Variants in SINHCAF observed in about 807,000 individuals in gnomAD.
SINHCAF encodes SIN3-HDAC complex-associated factor.
A neutral mutation model predicts 25.8 loss-of-function variants in SINHCAF; 3 were observed. The ratio of observed to expected loss-of-function variants is 0.12; its 90% confidence interval spans 0.05 to 0.30. The LOEUF (loss-of-function observed/expected upper bound fraction) is 0.30, where lower values mean the gene tolerates loss of function less well. Among genes scored for constraint, SINHCAF ranks in the 10% least tolerant of loss-of-function variants. The probability of loss-of-function intolerance (pLI) is 1.00; values close to 1 mark genes in which losing one functional copy is unlikely to be tolerated. For missense variants in SINHCAF, 121 were observed against 262.3 expected (o/e 0.46, Z 3.72); for synonymous variants, 70 against 85.5 (o/e 0.82, Z 1.00).
At chr12:31,286,103 T>G (rs1167876357) in intron 5 of SINHCAF, among the ~76,000 whole-genome samples, 1 of 152,202 alleles carries the variant, frequency 6.6e-6, no homozygotes, top group Non-Finnish European at 1.5e-5. Context: ...TTGTATTGGT[T>G]AGAACCTTCT....
intron 1 of SINHCAF, among the ~76,000 whole-genome samples, chr12:31,322,935 CA>C (rs1457317540): frequency 6.6e-6 from 1 of 151,742 alleles, no homozygotes; most frequent in Non-Finnish European, 1.5e-5. Context: ...GGGCCACATA[CA>C]AAAAAAGAAA....
At chr12:31,299,370 G>A (rs1209941574) in intron 1 of SINHCAF, among the ~76,000 whole-genome samples, 1 of 151,636 alleles carries the variant, frequency 6.6e-6, no homozygotes, top group Non-Finnish European at 1.5e-5. Context: ...AGGCTGGAGT[G>A]CGGTGGCGCG....
At chr12:31,322,745 T>C (rs1237134149) in intron 1 of SINHCAF, among the ~76,000 whole-genome samples, 1 of 152,080 alleles carries the variant, frequency 6.6e-6, no homozygotes, top group Non-Finnish European at 1.5e-5. Flanking sequence ...CATTCAAGGG[T>C]ATTATTTCCT....
At position 31,324,634 on chromosome 12, in the gene SINHCAF, G is replaced by T. The variant is rs1452119369; in HGVS notation, c.-21+1390C>A. The T allele has an allele frequency of 7.8e-6, 2 of 256,818 alleles. No homozygotes were observed. Among genetic ancestry groups the T allele is most frequent in the African/African-American group, 4.6e-5 (2 of 43,412 alleles). The allele number at this position is 256,818 out of a possible 1,614,324, so 15.9% of individuals were successfully genotyped here. On this transcript the variant is annotated intron_variant, in intron 1 of 5. Coordinates refer to ENST00000337682, the MANE Select transcript of SINHCAF (RefSeq NM_001135812.2). The surrounding 1 kb of genome is among the most constrained non-coding windows in gnomAD (Gnocchi z 5.5). ...CGGCGGCCCCGAGCGCCGGGGGCCC[G>T]CACGGGCACATGCAGCCCTTTGTTT...
At chr12:31,314,472 G>A (rs1261784226) in intron 1 of SINHCAF, among the ~76,000 whole-genome samples, 2 of 152,066 alleles carry the variant, frequency 1.3e-5, no homozygotes, top group East Asian at 1.9e-4. Context: ...TTTGCAGTGA[G>A]CCGAGATCGC....
chr12:31,305,718 G>C (rs939779680), intron 1 of SINHCAF, among the ~76,000 whole-genome samples: 1 of 44,856 alleles, frequency 2.2e-5, no homozygotes, highest in African/African-American at 8.4e-5. Context: ...TTTTTTTTTT[G>C]AGACTAAGTC....
intron 4 of SINHCAF, among the ~76,000 whole-genome samples, chr12:31,292,225 G>A (rs1938357618): frequency 6.6e-6 from 1 of 152,146 alleles, no homozygotes; most frequent in Non-Finnish European, 1.5e-5. Context: ...TGAGGACTGG[G>A]TGTGATGGTT....
chr12:31,307,982 C>T (rs1241555962), intron 1 of SINHCAF, among the ~76,000 whole-genome samples: 1 of 152,180 alleles, frequency 6.6e-6, no homozygotes, highest in East Asian at 1.9e-4. Flanking sequence ...CAGACTCTTG[C>T]TCTGTCACTT....
intron 1 of SINHCAF, chr12:31,311,863 T>C (rs983475356): frequency 2.0e-6 from 1 of 487,972 alleles, no homozygotes; most frequent in Non-Finnish European, 4.0e-6. Flanking sequence ...GATGCTAAGT[T>C]TGATCACTTG....
intron 1 of SINHCAF, among the ~76,000 whole-genome samples, chr12:31,318,570 A>C (rs2137134898): frequency 6.6e-6 from 1 of 152,208 alleles, no homozygotes; most frequent in South Asian, 2.1e-4. Context: ...GAAATGGCAT[A>C]GGTTAAAAAT....
Position 31,295,983 on chromosome 12 carries a change from C to T in SINHCAF, c.129-650G>A, listed in dbSNP as rs370028398. On this transcript the variant is annotated intron_variant, in intron 2 of 5. Coordinates refer to ENST00000337682, the MANE Select transcript of SINHCAF (RefSeq NM_001135812.2). ...ATCACTTGAGTGCAGGAGTTCGAGA[C>T]CAGCCTGGGCAACACAAGGAGACCC... Among the ~76,000 whole-genome samples the T allele has an allele frequency of 4.6e-5, 7 of 152,006 alleles. No homozygotes were observed. The East Asian group carries it at 1.4e-3, about 29-fold the overall frequency.
At chr12:31,290,659 AG>A (rs1297316063) in intron 4 of SINHCAF, among the ~76,000 whole-genome samples, 2 of 152,298 alleles carry the variant, frequency 1.3e-5, no homozygotes, top group Non-Finnish European at 2.9e-5. Flanking sequence ...TCACTCTCCT[AG>A]GAAGTGCTTA....
intron 3 of SINHCAF, 75 bp downstream of exon 3, chr12:31,295,159 C>T: frequency 1.1e-6 from 1 of 892,590 alleles, no homozygotes; most frequent in South Asian, 1.6e-5. Flanking sequence ...TATATTACTT[C>T]CTAAATTAGG....
chr12:31,305,025 T>C (rs1938962765), intron 1 of SINHCAF: 1 of 152,202 alleles, frequency 6.6e-6, no homozygotes, highest in Admixed American at 6.5e-5. Flanking sequence ...TCCACTCAGA[T>C]GTTGTCAACT....
At chr12:31,303,209 A>G in intron 1 of SINHCAF, 1 of 985,476 alleles carries the variant, frequency 1.0e-6, no homozygotes, top group African/African-American at 1.7e-5. Context: ...AGGCTGTGTC[A>G]ACCCATTTTT....
intron 1 of SINHCAF, among the ~76,000 whole-genome samples, chr12:31,307,818 T>C (rs1037506566): frequency 3.9e-5 from 6 of 152,154 alleles, no homozygotes; most frequent in Non-Finnish European, 8.8e-5. Flanking sequence ...CCTCGAGTCA[T>C]TGGATCTAAC....
chr12:31,300,302 A>G (rs953610711), intron 1 of SINHCAF, among the ~76,000 whole-genome samples: 2 of 152,218 alleles, frequency 1.3e-5, no homozygotes, highest in African/African-American at 4.8e-5. Flanking sequence ...CAAACAGGCT[A>G]TTGTTAATAA....
At chr12:31,311,568 G>A (rs1939270125) in intron 1 of SINHCAF, 1 of 303,158 alleles carries the variant, frequency 3.3e-6, no homozygotes, top group Non-Finnish European at 6.3e-6. Context: ...GACCGAGCAT[G>A]AGCAAGCCAG....
At chr12:31,323,519 T>A (rs1398365422) in intron 1 of SINHCAF, among the ~76,000 whole-genome samples, 10 of 152,194 alleles carry the variant, frequency 6.6e-5, no homozygotes, top group African/African-American at 2.2e-4. Flanking sequence ...GGTCCCTGTT[T>A]AACTCAAGAG....
Sources: gnomAD v4.1 joint callset for allele counts (sites outside exome capture counted in the v4.1 genomes callset) on GRCh38, gnomAD v4.1.1 for gene constraint, Gnocchi (gnomAD v3.1) non-coding constraint, MANE v1.5 for transcripts, NCBI Gene and HGNC (gene_info 2026-07-23, HGNC 2026-07-21) for gene names.